The following GALNT1 variants were observed in gnomAD, a reference collection of about 807,000 sequenced individuals.
The protein encoded by GALNT1 is polypeptide N-acetylgalactosaminyltransferase 1.
Under a neutral mutation model 65.7 loss-of-function variants are expected in GALNT1, and 17 were observed. The observed-to-expected ratio is 0.26, with a 90% CI of 0.18 to 0.39. The LOEUF (loss-of-function observed/expected upper bound fraction) is 0.39. GALNT1 is among the 10% of genes least tolerant of loss of function. The pLI is 1.00. For missense variants in GALNT1, 460 were observed against 672.8 expected (o/e 0.68, Z 3.50); for synonymous variants, 210 against 219.7 (o/e 0.96, Z 0.39).
intron 1 of GALNT1, among the ~76,000 whole-genome samples, chr18:35,607,158 T>C (rs1354053610): frequency 1.3e-5 from 2 of 152,080 alleles, no homozygotes. Context: ...ACAGAGGCCC[T>C]GAGTCTAACA....
rs567562307 is a variant in GALNT1, at chr18:35,651,084, A to G, written c.-103-3476A>G. ...TCTTCACAATTTATGTTCTTCTGCC[A>G]TGGCTTCAGCTGGTCCCTCCGTTCG... On this transcript the variant is annotated intron_variant, in intron 1 of 11. Coordinates refer to ENST00000269195, the MANE Select transcript of GALNT1 (RefSeq NM_020474.4). Among the ~76,000 whole-genome samples, 23 of 152,326 alleles carry G rather than the reference A, an allele frequency of 1.5e-4. No individual in the cohort carries two copies. The South Asian group carries it at 4.3e-3, about 29-fold the overall frequency.
At chr18:35,642,543 C>T (rs1392440649) in intron 1 of GALNT1, among the ~76,000 whole-genome samples, 2 of 152,100 alleles carry the variant, frequency 1.3e-5, no homozygotes, top group Non-Finnish European at 2.9e-5. Flanking sequence ...ATTGTTAAAC[C>T]AGGTGGTGGA....
intron 3 of GALNT1, among the ~76,000 whole-genome samples, chr18:35,665,701 A>G (rs1049450091): frequency 3.3e-5 from 5 of 152,240 alleles, no homozygotes; most frequent in African/African-American, 1.2e-4. Context: ...ACAAAGGAGC[A>G]AAATTCTAAA....
Position 35,683,578 on chromosome 18 carries a change from G to A in GALNT1, c.669G>A (p.Leu223=), listed in dbSNP as rs1568031843. The A allele has an allele frequency of 1.9e-6, 3 of 1,613,542 alleles. No homozygotes were observed. The highest frequency in any genetic ancestry group is 2.2e-5 in the East Asian group (1 of 44,878). ...ECTVGWLEPL[L]ARIKHDRRTV... is the part of the protein sequence containing the mutation. ...CAGTGGGATGGCTGGAGCCTCTCTTGGCCAGGATCAAACATGACAGGTAAT... is the reference window on the plus strand; with the variant it reads ...CAGTGGGATGGCTGGAGCCTCTCTTAGCCAGGATCAAACATGACAGGTAAT... Residue 223 remains leucine (L), a synonymous_variant, in exon 5 of 12, where the codon TTG becomes TTA. Transcript: ENST00000269195.
At chr18:35,682,926 A>AAAC (rs1555649077) in intron 4 of GALNT1, among the ~76,000 whole-genome samples, 8 of 151,308 alleles carry the variant, frequency 5.3e-5, no homozygotes, top group Admixed American at 1.3e-4. Context: ...AAAAAAAAAA[A>AAAC]AAAGTATAGT....
intron 3 of GALNT1, among the ~76,000 whole-genome samples, chr18:35,672,819 G>A (rs1210535269): frequency 1.3e-5 from 2 of 151,828 alleles, no homozygotes; most frequent in South Asian, 2.1e-4. Flanking sequence ...AATTTTAATA[G>A]CATTTATTGA....
intron 9 of GALNT1, among the ~76,000 whole-genome samples, chr18:35,698,567 G>A (rs1376076124): frequency 6.6e-6 from 1 of 152,202 alleles, no homozygotes; most frequent in East Asian, 1.9e-4. Flanking sequence ...CATTTGAAGT[G>A]CTCAATAGCC....
At chr18:35,650,014 G>A (rs1429554694) in intron 1 of GALNT1, among the ~76,000 whole-genome samples, 1 of 152,120 alleles carries the variant, frequency 6.6e-6, no homozygotes, top group Non-Finnish European at 1.5e-5. Context: ...TAGAAGAGTG[G>A]GCAGTTGCTC....
chr18:35,675,259 G>T (rs60734788), intron 3 of GALNT1, among the ~76,000 whole-genome samples: 2,415 of 152,270 alleles, frequency 0.016, 31 homozygotes, highest in African/African-American at 0.028. Context: ...TTAGGGGTGT[G>T]TGTTTGTGTG....
intron 1 of GALNT1, among the ~76,000 whole-genome samples, chr18:35,601,663 A>G (rs2046584351): frequency 6.6e-6 from 1 of 152,216 alleles, no homozygotes. Flanking sequence ...GATACTTGAT[A>G]TAATTTTGAC....
intron 1 of GALNT1, among the ~76,000 whole-genome samples, chr18:35,643,721 C>T (rs993445865): frequency 2.0e-5 from 3 of 150,252 alleles, no homozygotes; most frequent in African/African-American, 4.9e-5. Flanking sequence ...TGGCGTGAAC[C>T]GGGGAGGTGG....
At chr18:35,615,363 T>G (rs1419483028) in intron 1 of GALNT1, among the ~76,000 whole-genome samples, 1 of 151,660 alleles carries the variant, frequency 6.6e-6, no homozygotes, top group African/African-American at 2.4e-5. Context: ...TTTAAATGGT[T>G]GGGATTCTTA....
At chr18:35,708,471 A>G (rs910637615) in intron 11 of GALNT1, among the ~76,000 whole-genome samples, 4 of 152,340 alleles carry the variant, frequency 2.6e-5, no homozygotes, top group Non-Finnish European at 1.5e-5. Context: ...TTTAAGTTCT[A>G]ATAGGTGCAA....
intron 1 of GALNT1, among the ~76,000 whole-genome samples, chr18:35,650,219 C>G (rs1233567803): frequency 6.6e-6 from 1 of 152,070 alleles, no homozygotes; most frequent in African/African-American, 2.4e-5. Flanking sequence ...ATCACGTCAG[C>G]AGGTTCCGTG....
intron 3 of GALNT1, among the ~76,000 whole-genome samples, chr18:35,674,855 C>T (rs577119682): frequency 8.6e-5 from 13 of 151,988 alleles, no homozygotes; most frequent in Middle Eastern, 3.4e-3. Context: ...TGGTGGCAGG[C>T]ACCTGTAGGA....
chr18:35,690,989 A>T, intron 7 of GALNT1, 23 bp from the exon 8 acceptor site: 1 of 1,552,436 alleles, frequency 6.4e-7, no homozygotes, highest in Non-Finnish European at 8.7e-7. Context: ...TACATGTTAC[A>T]TGGTCATCTC....
At chr18:35,673,333 CAT>C (rs961914395) in intron 3 of GALNT1, among the ~76,000 whole-genome samples, 9 of 152,126 alleles carry the variant, frequency 5.9e-5, no homozygotes, top group African/African-American at 2.2e-4. Flanking sequence ...TAGTTCTTGA[CAT>C]ATATATGGAT....
chr18:35,692,343 T>G, intron 9 of GALNT1, 23 bp downstream of exon 9: 2 of 1,340,996 alleles, frequency 1.5e-6, no homozygotes, highest in South Asian at 3.3e-5. Context: ...TATATATATA[T>G]TCTATGTGGT....
intron 3 of GALNT1, among the ~76,000 whole-genome samples, chr18:35,676,260 G>A (rs929358833): frequency 9.2e-5 from 14 of 152,126 alleles, no homozygotes; most frequent in African/African-American, 2.7e-4. Flanking sequence ...AGTAGGAGAC[G>A]GAGACCATCC....
Sources: gnomAD v4.1 joint callset for allele counts (sites outside exome capture counted in the v4.1 genomes callset) on GRCh38, gnomAD v4.1.1 for gene constraint, MANE v1.5 for transcripts, NCBI Gene and HGNC (gene_info 2026-07-23, HGNC 2026-07-21) for gene names.